MTX1: variants seen among roughly 807,000 people sequenced by gnomAD.
MTX1 encodes metaxin 1, also known as metaxin-1.
A neutral mutation model predicts 39.4 loss-of-function variants in MTX1; 20 were observed. That is an observed-to-expected ratio of 0.51 (90% CI 0.36 to 0.74). The LOEUF (loss-of-function observed/expected upper bound fraction) is 0.74. Among genes scored for constraint, MTX1 ranks in the 30% least tolerant of loss-of-function variants. The pLI, the probability that MTX1 is intolerant of heterozygous loss-of-function variation, is 0.00. For missense variants in MTX1, 481 were observed against 485.9 expected, an observed-to-expected ratio of 0.99 and a Z score of 0.10; for synonymous variants, 209 against 198.6, an observed-to-expected ratio of 1.05 and a Z score of -0.44.
rs3738808 is a variant in MTX1 at position 155,210,675 on chromosome 1, A to G, written c.678+48A>G. ...GCTGCCAGTGAGAGAAGTTCAGTCA[A>G]TTCTATACAATACACATTTATTGAG... is the stretch of plus-strand genomic sequence containing the variant. On this transcript the variant is annotated intron_variant, in intron 3 of 7. Coordinates refer to ENST00000368376, the MANE Select transcript of MTX1 (RefSeq NM_002455.5). 1.7e-3 allele frequency: 2,597 copies of G among 1,507,662 alleles called. 71 individuals are homozygous for G. The East Asian group carries it at 0.052, about 30-fold the overall frequency. 93.4% of individuals were successfully genotyped at this position (1,507,662 alleles called of 1,614,324 possible).
intron 1 of MTX1, among the ~76,000 whole-genome samples, chr1:155,210,006 ACT>A (rs1671047011): frequency 6.6e-6 from 1 of 152,226 alleles, no homozygotes; most frequent in African/African-American, 2.4e-5. Flanking sequence ...GACCACAGAT[ACT>A]GCCAAAGAGA....
Position 155,208,856 on chromosome 1 carries a change from G to A in MTX1, c.52G>A (p.Gly18Arg). Residue 18 changes from glycine to arginine, a missense_variant, in exon 1 of 8, where the codon GGG (glycine) becomes AGG (arginine). Physicochemically the swap from Gly to Arg is moderately radical, Grantham distance 125. Around this residue, in one of 2 missense-constraint regions of MTX1, gnomAD observed 368 missense variants for 332.8 expected, o/e 1.11. Coordinates refer to ENST00000368376, the MANE Select transcript of MTX1 (RefSeq NM_002455.5). ...RSPRSGTSPKGPWSSTGHVQF... is the reference protein window; with the variant it reads ...RSPRSGTSPKRPWSSTGHVQF... ...TCCCCGCTCGGGGACGAGCCCCAAG[G>A]GGCCCTGGAGCAGTACAGGCCACGT... is the stretch of plus-strand genomic sequence containing the variant. 6.2e-7 allele frequency: 1 copy of A among 1,600,058 alleles called. No homozygotes were observed. The highest frequency in any genetic ancestry group is 8.5e-7 in the Non-Finnish European group (1 of 1,172,602).
Position 155,210,610 on chromosome 1 carries a change from A to G in MTX1, c.661A>G (p.Thr221Ala). ...EVISVPHKII[T>A]HLRKEKYNAD... ...CATCTCAGTTCCACACAAGATCATC[A>G]CCCACCTTCGAAAAGAGGTAGGTGA... Residue 221 changes from threonine (T) to alanine (A), a missense_variant, in exon 3 of 8, where the codon ACC becomes GCC. Thr to Ala is a moderately conservative substitution (Grantham distance 58). Coordinates refer to ENST00000368376, the MANE Select transcript of MTX1 (RefSeq NM_002455.5). The G allele has an allele frequency of 6.2e-7, 1 of 1,613,958 alleles. No homozygotes were observed. Among genetic ancestry groups the G allele is most frequent in the Admixed American group, 1.7e-5 (1 of 60,010 alleles).
chr1:155,213,297 G>T lies in MTX1; in HGVS notation c.1092G>T (p.Leu364=), dbSNP rs1347951246. ...TGGCCCTGCTGCTGCAGGCAAAGCTGCCCAGTGGGAAGCTGCAGGTCCACC... is the reference window on the plus strand; with the variant it reads ...TGGCCCTGCTGCTGCAGGCAAAGCTTCCCAGTGGGAAGCTGCAGGTCCACC... ...SYLALLLQAK[L]PSGKLQVHLR... is the part of the protein sequence containing the mutation. The change falls in exon 7 of 8, where the codon CTG becomes CTT. Residue 364 remains leucine (L), a synonymous_variant. Transcript: ENST00000368376. The T allele has an allele frequency of 3.9e-6, 2 of 506,616 alleles. No homozygotes were observed. Among genetic ancestry groups the T allele is most frequent in the Non-Finnish European group, 6.8e-6 (2 of 295,008 alleles). 31.4% of individuals were successfully genotyped at this position (506,616 alleles called of 1,614,324 possible).
chr1:155,209,404 A>T (rs1670992872), intron 1 of MTX1, 72 bp downstream of exon 1: 2 of 1,341,828 alleles, frequency 1.5e-6, no homozygotes, highest in Non-Finnish European at 1.9e-6. Context: ...CCAAGCATCC[A>T]AACCTTGCCA....
Position 155,208,747 on chromosome 1 carries a change from G to T in MTX1, c.-58G>T. On this transcript the variant is annotated 5_prime_UTR_variant, in exon 1 of 8. Transcript: ENST00000368376. ...CGGCCGCCGCCACCGCCCCTGTTTT[G>T]TTTCCATGGCGACAGGCGGCGCAGG... 1.8e-6 allele frequency: 2 copies of T among 1,123,904 alleles called. No individual in the cohort carries two copies. Among genetic ancestry groups the T allele is most frequent in the Non-Finnish European group, 2.3e-6 (2 of 858,410 alleles). The allele number at this position is 1,123,904 out of a possible 1,614,324, so 69.6% of individuals were successfully genotyped here.
Position 155,213,301 on chromosome 1 carries a change from A to C in MTX1, c.1096A>C (p.Ser366Arg). Residue 366 changes from serine (S) to arginine (R), a missense_variant, in exon 7 of 8, where the codon AGT becomes CGT. Ser to Arg is a moderately radical substitution (Grantham distance 110). This residue lies in a region of MTX1 where 113 missense variants were observed against 153.2 expected (regional missense o/e 0.74). Coordinates refer to ENST00000368376, the MANE Select transcript of MTX1 (RefSeq NM_002455.5). ...LALLLQAKLP[S>R]GKLQVHLRGL... ...CCTGCTGCTGCAGGCAAAGCTGCCCAGTGGGAAGCTGCAGGTCCACCTGCG... is the reference window on the plus strand; with the variant it reads ...CCTGCTGCTGCAGGCAAAGCTGCCCCGTGGGAAGCTGCAGGTCCACCTGCG... 2.0e-6 allele frequency: 1 copy of C among 503,380 alleles called. No homozygotes were observed. The allele number at this position is 503,380 out of a possible 1,614,324, so 31.2% of individuals were successfully genotyped here.
intron 3 of MTX1, 143 bp downstream of exon 3, chr1:155,210,770 C>T (rs576677554): frequency 9.3e-6 from 7 of 754,108 alleles, no homozygotes; most frequent in Non-Finnish European, 1.6e-5. Context: ...GTGGCAGAGA[C>T]ACACACAATG....
chr1:155,210,020 G>A (rs1241414793), intron 1 of MTX1, among the ~76,000 whole-genome samples: 1 of 152,178 alleles, frequency 6.6e-6, no homozygotes, highest in Non-Finnish European at 1.5e-5. Context: ...CCAAAGAGAA[G>A]GGCATTATCA....
At chr1:155,211,756 G>A (rs1671138003) in intron 3 of MTX1, 1 of 171,032 alleles carries the variant, frequency 5.8e-6, no homozygotes, top group East Asian at 1.7e-4. Flanking sequence ...CTGCATCTGA[G>A]CTCCGTTGTG....
At chr1:155,212,902 C>T (rs1671178334) in intron 6 of MTX1, 132 bp downstream of exon 6, 2 of 1,494,746 alleles carry the variant, frequency 1.3e-6, no homozygotes, top group Non-Finnish European at 1.8e-6. Flanking sequence ...AGAAACTGGC[C>T]CTAGTGACAG....
intron 3 of MTX1, chr1:155,210,890 T>C: frequency 3.9e-6 from 2 of 512,876 alleles, no homozygotes; most frequent in Non-Finnish European, 7.0e-6. Flanking sequence ...AGTTGGCCTC[T>C]GATGGTGGGA....
intron 1 of MTX1, 79 bp downstream of exon 1, chr1:155,209,411 G>C: frequency 7.5e-7 from 1 of 1,330,610 alleles, no homozygotes. Context: ...TCCAAACCTT[G>C]CCAGGGCTAC....
At chr1:155,211,988 C>A (rs927370520) in intron 3 of MTX1, 139 bp from the exon 4 acceptor site, 1 of 708,532 alleles carries the variant, frequency 1.4e-6, no homozygotes. Context: ...GGCAAGGGGG[C>A]CTTGGCAGGA....
chr1:155,209,075 C>A lies in MTX1; in HGVS notation c.271C>A (p.Arg91Ser). The A allele has an allele frequency of 6.5e-7, 1 of 1,539,318 alleles. No individual in the cohort carries two copies. Among genetic ancestry groups the A allele is most frequent in the South Asian group, 1.2e-5 (1 of 83,320 alleles). Residue 91 changes from arginine (R) to serine (S), a missense_variant, in exon 1 of 8, where the codon CGC becomes AGC. By Grantham distance (110) the Arg-to-Ser change is moderately radical (BLOSUM62 -1). This residue lies in a region of MTX1 where 368 missense variants were observed against 332.8 expected (regional missense o/e 1.11). Coordinates refer to ENST00000368376, the MANE Select transcript of MTX1 (RefSeq NM_002455.5). ...MGRRPPSPEA[R>S]GPVPRSSAAS... ...CCGGCGGCCGCCCTCCCCCGAGGCC[C>A]GCGGCCCAGTCCCCCGCAGTTCAGC...
At position 155,213,566 on chromosome 1, in the gene MTX1, T is replaced by C; in HGVS notation, c.1269T>C (p.Ser423=). 8.3e-6 allele frequency: 1 copy of C among 120,442 alleles called. No individual in the cohort carries two copies. Among genetic ancestry groups the C allele is most frequent in the Non-Finnish European group, 1.4e-5 (1 of 70,872 alleles). 7.5% of individuals were successfully genotyped at this position (120,442 alleles called of 1,614,324 possible). A position where few individuals can be genotyped will look rare whatever the true frequency, so the allele number is the denominator to read the frequency against. ...ACCGGCGCCGGAACCAGATCCTATC[T>C]GTGCTGGCAGGACTGGCAGCCATGG... The part of the protein sequence containing the change: ...EPYRRRNQIL[S]VLAGLAAMVG... Residue 423 remains serine (S), a synonymous_variant, in exon 8 of 8, where the codon TCT becomes TCC. Coordinates refer to ENST00000368376, the MANE Select transcript of MTX1 (RefSeq NM_002455.5).
intron 3 of MTX1, 35 bp from the exon 4 acceptor site, chr1:155,212,092 C>A (rs892317480): frequency 3.2e-6 from 5 of 1,564,852 alleles, no homozygotes; most frequent in Non-Finnish European, 4.3e-6. Flanking sequence ...CCTTGCAGCT[C>A]CCTAGTGTCC....
In MTX1 at chr1:155,208,962, G is replaced by A. The variant is rs760296290; in HGVS notation, c.158G>A (p.Arg53Gln). ...GAGCCTGCCGCGCCTTCAGGGGTTCGGGGCTCCACTTGGACGAGGCGCCGT... is the reference window on the plus strand; with the variant it reads ...GAGCCTGCCGCGCCTTCAGGGGTTCAGGGCTCCACTTGGACGAGGCGCCGT... ...SPEPAAPSGV[R>Q]GSTWTRRRDS... The change falls in exon 1 of 8, where the codon CGG (arginine) becomes CAG (glutamine). Residue 53 changes from arginine (R) to glutamine (Q), a missense_variant. This residue lies in a region of MTX1 where 368 missense variants were observed against 332.8 expected (regional missense o/e 1.11). Transcript: ENST00000368376. 3.5e-5 allele frequency: 57 copies of A among 1,608,282 alleles called. No individual in the cohort carries two copies. Among genetic ancestry groups the A allele is most frequent in the Non-Finnish European group, 4.6e-5 (54 of 1,178,580 alleles).
chr1:155,208,852 C>T lies in MTX1; in HGVS notation c.48C>T (p.Pro16=), dbSNP rs539980904. The T allele has an allele frequency of 6.3e-7, 1 of 1,599,536 alleles. No individual in the cohort carries two copies. Among genetic ancestry groups the T allele is most frequent in the East Asian group, 2.3e-5 (1 of 44,256 alleles). ...GCAGTCCCCGCTCGGGGACGAGCCC[C>T]AAGGGGCCCTGGAGCAGTACAGGCC... ...PPRSPRSGTS[P]KGPWSSTGHV... The change falls in exon 1 of 8, where the codon CCC becomes CCT. Residue 16 remains proline, a synonymous_variant. Coordinates refer to ENST00000368376, the MANE Select transcript of MTX1 (RefSeq NM_002455.5).
Sources: allele counts gnomAD v4.1 joint callset (sites outside exome capture counted in the v4.1 genomes callset), GRCh38; gene constraint gnomAD v4.1.1; regional missense constraint gnomAD v4.1.1; transcripts MANE v1.5; gene names NCBI Gene and HGNC (gene_info 2026-07-23, HGNC 2026-07-21).